Variants in UGT1A8 observed in about 807,000 individuals in gnomAD.
The protein encoded by UGT1A8 is UDP glucuronosyltransferase family 1 member A8.
A neutral mutation model predicts 45.3 loss-of-function variants in UGT1A8; 39 were observed. The ratio of observed to expected loss-of-function variants is 0.86; its 90% CI spans 0.67 to 1.12. The LOEUF (loss-of-function observed/expected upper bound fraction) is 1.12. Among genes scored for constraint, UGT1A8 ranks in the 50% most tolerant of loss-of-function variants. The probability of loss-of-function intolerance (pLI) is 0.00; values close to 1 mark genes in which losing one functional copy is unlikely to be tolerated. For synonymous variants in UGT1A8, 275 were observed against 249.2 expected (o/e 1.10, Z -0.97); for missense variants, 719 against 664.9 (o/e 1.08, Z -0.90).
chr2:233,719,799 G>C, intron 1 of UGT1A8: 11 of 1,603,246 alleles, frequency 6.9e-6, no homozygotes, highest in Non-Finnish European at 8.5e-6. Context: ...ATTTTATTTT[G>C]GCTTCTTTAT....
intron 1 of UGT1A8, among the ~76,000 whole-genome samples, chr2:233,701,346 A>C (rs148707887): frequency 6.6e-6 from 1 of 151,970 alleles, no homozygotes; most frequent in Non-Finnish European, 1.5e-5. Context: ...ACAGTGTAAA[A>C]GTTCTTAGAG....
chr2:233,621,309 C>T (rs182979065), intron 1 of UGT1A8, among the ~76,000 whole-genome samples: 265 of 152,288 alleles, frequency 1.7e-3, no homozygotes, highest in African/African-American at 5.9e-3. Context: ...GAGGAAGTCA[C>T]TCCTAGTCTC....
At chr2:233,724,968 T>G (rs1288341370) in intron 1 of UGT1A8, among the ~76,000 whole-genome samples, 5 of 135,284 alleles carry the variant, frequency 3.7e-5, no homozygotes, top group Non-Finnish European at 8.0e-5. Context: ...AGGCCGAGGT[T>G]GGCGGATCAC....
rs1444148236 is a variant in UGT1A8, at chr2:233,693,985, A to G, written c.856-73049A>G. The G allele has an allele frequency of 3.9e-6, 6 of 1,547,132 alleles. No homozygotes were observed. In the East Asian group the frequency reaches 9.0e-5, roughly 23 times the overall value. Reference sequence around the variant, plus strand: ...ATTTCCTGGAGAAACGGTGGGGGGAAGTGATACCCGGCTCGGAGCAGCGGG... The same window carrying G: ...ATTTCCTGGAGAAACGGTGGGGGGAGGTGATACCCGGCTCGGAGCAGCGGG... On this transcript the variant is annotated intron_variant, in intron 1 of 4. Transcript: ENST00000373450.
At chr2:233,706,642 G>C (rs1025573641) in intron 1 of UGT1A8, among the ~76,000 whole-genome samples, 2 of 152,160 alleles carry the variant, frequency 1.3e-5, no homozygotes, top group African/African-American at 4.8e-5. Context: ...TACTGTGTCT[G>C]TGCCCCATCA....
chr2:233,639,812 A>G (rs556691274), intron 1 of UGT1A8, among the ~76,000 whole-genome samples: 2 of 152,322 alleles, frequency 1.3e-5, no homozygotes, highest in South Asian at 2.1e-4. Context: ...AACTATATCA[A>G]TTGGTATGGT....
chr2:233,671,010 CCAAACATA>C (rs1433906611), intron 1 of UGT1A8, among the ~76,000 whole-genome samples: 4 of 152,098 alleles, frequency 2.6e-5, no homozygotes, highest in African/African-American at 9.7e-5. Context: ...ATTTGTAAAC[CCAAACATA>C]CAAACATACA....
At chr2:233,628,563 C>A (rs1157913777) in intron 1 of UGT1A8, among the ~76,000 whole-genome samples, 1 of 152,022 alleles carries the variant, frequency 6.6e-6, no homozygotes, top group Non-Finnish European at 1.5e-5. Context: ...GTGAATGAGA[C>A]CTTTTTTATT....
chr2:233,621,253 G>A (rs148858845), intron 1 of UGT1A8, among the ~76,000 whole-genome samples: 5 of 152,302 alleles, frequency 3.3e-5, no homozygotes, highest in African/African-American at 1.2e-4. Flanking sequence ...GATTAAAGAT[G>A]TGTAAATAAT....
chr2:233,691,176 T>A (rs2075031367), intron 1 of UGT1A8: 1 of 985,600 alleles, frequency 1.0e-6, no homozygotes, highest in African/African-American at 1.7e-5. Flanking sequence ...AATGTCTGCC[T>A]GCTCAAGAAG....
At chr2:233,648,666 G>A (rs957826105) in intron 1 of UGT1A8, 30 of 297,774 alleles carry the variant, frequency 1.0e-4, no homozygotes, top group East Asian at 7.7e-4. Context: ...GGGTTTCACC[G>A]TGTTAGCCAG....
chr2:233,713,839 A>G (rs1333546186), intron 1 of UGT1A8: 2 of 1,613,942 alleles, frequency 1.2e-6, no homozygotes, highest in Non-Finnish European at 8.5e-7. Context: ...AACTGTGCCA[A>G]CGGGAAGCCA....
intron 1 of UGT1A8, among the ~76,000 whole-genome samples, chr2:233,657,602 C>A (rs904015734): frequency 2.0e-5 from 3 of 152,216 alleles, no homozygotes; most frequent in African/African-American, 7.2e-5. Context: ...TAAGCCCCAC[C>A]TCCAACATTA....
intron 1 of UGT1A8, among the ~76,000 whole-genome samples, chr2:233,631,280 G>A (rs924321355): frequency 2.0e-5 from 3 of 152,052 alleles, no homozygotes; most frequent in South Asian, 2.1e-4. Flanking sequence ...TTGCTATTGT[G>A]AATAGTGCTG....
chr2:233,671,890 A>C lies in UGT1A8; in HGVS notation c.855+53328A>C, dbSNP rs372887151. The C allele has an allele frequency of 1.3e-4, 205 of 1,563,476 alleles. 1 individual carries two copies. The African/African-American group carries it at 2.2e-3, about 17-fold the overall frequency. ...GTATTTCTCCCACCTACTGTATCAT[A>C]GGAGCTTAGATTCCCAGCTGCTTGC... On this transcript the variant is annotated intron_variant, in intron 1 of 4. Transcript: ENST00000373450.
intron 1 of UGT1A8, among the ~76,000 whole-genome samples, chr2:233,671,251 C>G (rs1169024060): frequency 6.6e-6 from 1 of 152,148 alleles, no homozygotes; most frequent in Admixed American, 6.5e-5. Flanking sequence ...GGGCAACTTC[C>G]CACTGCGTGC....
intron 1 of UGT1A8, chr2:233,691,974 T>A (rs2075070882): frequency 3.3e-5 from 5 of 152,254 alleles, no homozygotes; most frequent in Admixed American, 3.3e-4. Context: ...TCCCTTTCGA[T>A]CACACCTAAG....
At chr2:233,699,564 G>T (rs757695446) in intron 1 of UGT1A8, among the ~76,000 whole-genome samples, 1 of 152,214 alleles carries the variant, frequency 6.6e-6, no homozygotes, top group Admixed American at 6.5e-5. Context: ...CATGGCCAGA[G>T]CTCTGGCTCT....
chr2:233,699,054 A>T (rs561736764), intron 1 of UGT1A8, among the ~76,000 whole-genome samples: 1 of 152,280 alleles, frequency 6.6e-6, no homozygotes, highest in East Asian at 1.9e-4. Flanking sequence ...GAAACAACTT[A>T]TCCCAGCCCT....
Sources: gnomAD v4.1 joint callset for allele counts (sites outside exome capture counted in the v4.1 genomes callset) on GRCh38, gnomAD v4.1.1 for gene constraint, MANE v1.5 for transcripts, NCBI Gene and HGNC (gene_info 2026-07-23, HGNC 2026-07-21) for gene names.